The following KLHL29 variants were observed in gnomAD, a reference collection of about 807,000 sequenced individuals.
KLHL29 encodes the protein kelch like family member 29.
A neutral mutation model predicts 80.4 loss-of-function variants in KLHL29; 21 were observed. The observed-to-expected ratio is 0.26, with a 90% CI of 0.19 to 0.38. The LOEUF (loss-of-function observed/expected upper bound fraction) is 0.38. Among genes scored for constraint, KLHL29 ranks in the 10% least tolerant of loss-of-function variants. KLHL29 has a pLI of 1.00. For synonymous variants in KLHL29, 511 were observed against 526.8 expected (o/e 0.97, Z 0.41); for missense variants, 867 against 1,223.9 (o/e 0.71, Z 4.35).
At chr2:23,590,421 C>T (rs1023902376) in intron 3 of KLHL29, among the ~76,000 whole-genome samples, 1 of 152,198 alleles carries the variant, frequency 6.6e-6, no homozygotes, top group Non-Finnish European at 1.5e-5. Context: ...CTCCTGCTCT[C>T]CCCAGATTGT....
intron 3 of KLHL29, among the ~76,000 whole-genome samples, chr2:23,637,955 G>A (rs1023237196): frequency 1.3e-5 from 2 of 151,996 alleles, no homozygotes; most frequent in Admixed American, 6.5e-5. Context: ...GTGCTCCTGG[G>A]AGCTGTGCTG....
chr2:23,574,834 TG>T (rs1667803005), intron 3 of KLHL29, among the ~76,000 whole-genome samples: 1 of 152,106 alleles, frequency 6.6e-6, no homozygotes, highest in Non-Finnish European at 1.5e-5. Context: ...GCCATTTCCT[TG>T]ATGAAGAGAA....
rs1369409992 is a variant in KLHL29 at position 23,647,134 on chromosome 2, C to T, written c.940+4284C>T. ...TTTAACTTAGGGATGGGGACCCCTT[C>T]CCTAAAAGGGAGGTGGGATGCATCC... On this transcript the variant is annotated intron_variant, in intron 5 of 13. Transcript: ENST00000486442. The surrounding 1 kb of genome is among the most constrained non-coding windows in gnomAD (Gnocchi z 4.9). Among the ~76,000 whole-genome samples, 2 of 152,186 alleles carry T rather than the reference C, an allele frequency of 1.3e-5. No individual in the cohort carries two copies. The highest frequency in any genetic ancestry group is 2.9e-5 in the Non-Finnish European group (2 of 68,022).
At chr2:23,555,651 G>A (rs72780329) in intron 2 of KLHL29, among the ~76,000 whole-genome samples, 5,490 of 152,310 alleles carry the variant, frequency 0.036, 135 homozygotes, top group Non-Finnish European at 0.054. Context: ...GACACTTTTT[G>A]GTGAGCAGGT....
chr2:23,626,055 C>T (rs978473630), intron 3 of KLHL29, among the ~76,000 whole-genome samples: 3 of 151,556 alleles, frequency 2.0e-5, no homozygotes, highest in Non-Finnish European at 2.9e-5. Flanking sequence ...CATCAGGGAC[C>T]GGTTTTGTGG....
intron 1 of KLHL29, among the ~76,000 whole-genome samples, chr2:23,433,956 A>C (rs1021153835): frequency 1.3e-5 from 2 of 151,668 alleles, no homozygotes; most frequent in African/African-American, 4.8e-5. Context: ...TCAAGATCCA[A>C]GTGCAGTAAG....
At chr2:23,604,374 C>T (rs552462518) in intron 3 of KLHL29, among the ~76,000 whole-genome samples, 1 of 152,286 alleles carries the variant, frequency 6.6e-6, no homozygotes, top group South Asian at 2.1e-4. Flanking sequence ...GGATTACAGG[C>T]GTGAGCCACT....
At chr2:23,588,121 T>C (rs1164692944) in intron 3 of KLHL29, among the ~76,000 whole-genome samples, 1 of 152,212 alleles carries the variant, frequency 6.6e-6, no homozygotes, top group East Asian at 1.9e-4. Flanking sequence ...GGCTTGCCCC[T>C]GCCCTGTGAG....
At chr2:23,398,962 C>T (rs1666523646) in intron 1 of KLHL29, among the ~76,000 whole-genome samples, 1 of 152,208 alleles carries the variant, frequency 6.6e-6, no homozygotes, top group African/African-American at 2.4e-5. Flanking sequence ...AGTTTTTCAT[C>T]TGCACTGCCA....
chr2:23,567,574 C>G (rs1376110888), intron 3 of KLHL29, among the ~76,000 whole-genome samples: 1 of 152,204 alleles, frequency 6.6e-6, no homozygotes, highest in Non-Finnish European at 1.5e-5. Flanking sequence ...CCCATGCGCT[C>G]CAGCTTCTCT....
intron 5 of KLHL29, among the ~76,000 whole-genome samples, chr2:23,655,298 C>T (rs1670215214): frequency 6.6e-6 from 1 of 152,190 alleles, no homozygotes; most frequent in African/African-American, 2.4e-5. Flanking sequence ...TGGAGCCAGT[C>T]ATCCTATGAA....
At position 23,503,499 on chromosome 2, in the gene KLHL29, A is replaced by G. The variant is rs1665511860; in HGVS notation, c.-46+27832A>G. 6.6e-6 allele frequency among the ~76,000 whole-genome samples: 1 copy of G among 152,068 alleles called. No homozygotes were observed. The highest frequency in any genetic ancestry group is 2.1e-4 in the South Asian group (1 of 4,814). On this transcript the variant is annotated intron_variant, in intron 2 of 13. Coordinates refer to ENST00000486442, the MANE Select transcript of KLHL29 (RefSeq NM_052920.2). This position sits in a 1 kb window ranked among gnomAD's most constrained non-coding sequence, Gnocchi z 4.0. Reference sequence around the variant, plus strand: ...TGGAAAATACAGACGAGGCCATAGAAGTTAGTGTTGTCCTAGGGATGGCTC... The same window carrying G: ...TGGAAAATACAGACGAGGCCATAGAGGTTAGTGTTGTCCTAGGGATGGCTC...
chr2:23,601,460 A>G (rs1309554754), intron 3 of KLHL29, among the ~76,000 whole-genome samples: 1 of 152,166 alleles, frequency 6.6e-6, no homozygotes, highest in Non-Finnish European at 1.5e-5. Context: ...TGGAATGTGC[A>G]TGTGTATTCA....
At chr2:23,490,652 A>G (rs62125388) in intron 2 of KLHL29, among the ~76,000 whole-genome samples, 2,441 of 152,376 alleles carry the variant, frequency 0.016, 41 homozygotes, top group South Asian at 0.024. Flanking sequence ...TGCCATTAAT[A>G]TCTTTCATAA....
intron 3 of KLHL29, among the ~76,000 whole-genome samples, chr2:23,616,297 A>G (rs1289599109): frequency 6.6e-6 from 1 of 152,192 alleles, no homozygotes; most frequent in African/African-American, 2.4e-5. Flanking sequence ...CTGTGACAGA[A>G]AGGCTGCGGA....
At chr2:23,427,367 A>G (rs1342451686) in intron 1 of KLHL29, among the ~76,000 whole-genome samples, 2 of 152,252 alleles carry the variant, frequency 1.3e-5, no homozygotes, top group Admixed American at 1.3e-4. Context: ...GAGCTGCCAG[A>G]AAAGTCTCTC....
intron 2 of KLHL29, among the ~76,000 whole-genome samples, chr2:23,504,411 C>T (rs1366049925): frequency 6.6e-6 from 1 of 152,168 alleles, no homozygotes; most frequent in East Asian, 1.9e-4. Context: ...GGGATGTCTA[C>T]AGGGTGCCCC....
intron 3 of KLHL29, among the ~76,000 whole-genome samples, chr2:23,613,037 A>T (rs1360337597): frequency 6.6e-6 from 1 of 152,210 alleles, no homozygotes; most frequent in Non-Finnish European, 1.5e-5. Context: ...AAGGCCAAGG[A>T]AGAGAGTATA....
chr2:23,442,152 C>T (rs902298083), intron 1 of KLHL29, among the ~76,000 whole-genome samples: 5 of 152,036 alleles, frequency 3.3e-5, no homozygotes, highest in African/African-American at 4.8e-5. Flanking sequence ...GACACAAAAA[C>T]GGCTTACTGC....
Sources: gnomAD v4.1 joint callset for allele counts (sites outside exome capture counted in the v4.1 genomes callset) on GRCh38, gnomAD v4.1.1 for gene constraint, Gnocchi (gnomAD v3.1) non-coding constraint, MANE v1.5 for transcripts, NCBI Gene and HGNC (gene_info 2026-07-23, HGNC 2026-07-21) for gene names.